The following KCNIP4 variants were observed in gnomAD, a reference collection of about 807,000 sequenced individuals.
KCNIP4 encodes the protein potassium voltage-gated channel interacting protein 4.
In KCNIP4, 12 loss-of-function variants were observed where a neutral mutation model predicts 34.0. That is an observed-to-expected ratio of 0.35 (90% CI 0.23 to 0.57). The LOEUF (loss-of-function observed/expected upper bound fraction) is 0.57, where lower values mean the gene tolerates loss of function less well. Ranked by LOEUF, KCNIP4 falls within the 20% of genes least tolerant of loss-of-function variation. The pLI is 0.83. For synonymous variants in KCNIP4, 124 were observed against 102.2 expected, an observed-to-expected ratio of 1.21 and a Z score of -1.29; for missense variants, 238 against 311.7, an observed-to-expected ratio of 0.76 and a Z score of 1.78.
intron 5 of KCNIP4, among the ~76,000 whole-genome samples, chr4:20,735,928 A>G (rs1034491348): frequency 2.0e-5 from 3 of 152,204 alleles, no homozygotes; most frequent in Admixed American, 2.0e-4. Context: ...AGCAGAGGGG[A>G]AATCCAAAAG....
At chr4:21,237,627 T>A (rs530486853) in intron 1 of KCNIP4, among the ~76,000 whole-genome samples, 1 of 152,262 alleles carries the variant, frequency 6.6e-6, no homozygotes, top group African/African-American at 2.4e-5. Context: ...CTAGAAAATC[T>A]AGAAGAAATG....
chr4:21,645,246 C>A (rs190912888), intron 1 of KCNIP4, among the ~76,000 whole-genome samples: 9 of 152,108 alleles, frequency 5.9e-5, no homozygotes, highest in African/African-American at 2.2e-4. Context: ...GTTATAGATG[C>A]GTAAAATGAT....
intron 1 of KCNIP4, among the ~76,000 whole-genome samples, chr4:21,609,298 T>C (rs1743970723): frequency 6.6e-6 from 1 of 152,220 alleles, no homozygotes; most frequent in African/African-American, 2.4e-5. Flanking sequence ...GGCATACTGA[T>C]ATTATGTATT....
chr4:21,237,882 G>T (rs1315156971), intron 1 of KCNIP4, among the ~76,000 whole-genome samples: 1 of 152,078 alleles, frequency 6.6e-6, no homozygotes, highest in Non-Finnish European at 1.5e-5. Flanking sequence ...CATTTTATGA[G>T]GCCAGTATCA....
intron 1 of KCNIP4, among the ~76,000 whole-genome samples, chr4:21,315,947 C>A (rs1317228625): frequency 6.6e-6 from 1 of 152,208 alleles, no homozygotes; most frequent in Non-Finnish European, 1.5e-5. Flanking sequence ...TATCCATCCT[C>A]ATTTCCTGAC....
At chr4:21,351,332 G>A (rs994492050) in intron 1 of KCNIP4, among the ~76,000 whole-genome samples, 1 of 152,056 alleles carries the variant, frequency 6.6e-6, no homozygotes, top group Admixed American at 6.6e-5. Flanking sequence ...ATTTTCCCAT[G>A]CTGTTCTATT....
chr4:20,961,995 C>T (rs956040008), intron 1 of KCNIP4, among the ~76,000 whole-genome samples: 9 of 152,156 alleles, frequency 5.9e-5, no homozygotes, highest in Non-Finnish European at 8.8e-5. Flanking sequence ...TCCATGACTA[C>T]GTATCTTTCC....
At chr4:20,817,682 T>A (rs1003840849) in intron 3 of KCNIP4, among the ~76,000 whole-genome samples, 1 of 152,038 alleles carries the variant, frequency 6.6e-6, no homozygotes, top group Non-Finnish European at 1.5e-5. Flanking sequence ...GATCTTTTTT[T>A]TTTTTCTTTC....
At chr4:20,893,417 CCT>C (rs1357979762) in intron 1 of KCNIP4, among the ~76,000 whole-genome samples, 1 of 151,804 alleles carries the variant, frequency 6.6e-6, no homozygotes, top group East Asian at 1.9e-4. Flanking sequence ...CATCACTGAG[CCT>C]CTGTTTTTTT....
At chr4:21,227,670 A>AAAAACAAAACAAAAC (rs57503395) in intron 1 of KCNIP4, among the ~76,000 whole-genome samples, 64 of 151,630 alleles carry the variant, frequency 4.2e-4, no homozygotes, top group African/African-American at 1.5e-3. Flanking sequence ...TCCGCAGTTA[A>AAAAACAAAACAAAAC]AAAACAAAAC....
At chr4:21,324,637 T>G (rs74899634) in intron 1 of KCNIP4, among the ~76,000 whole-genome samples, 1 of 152,004 alleles carries the variant, frequency 6.6e-6, no homozygotes. Flanking sequence ...TGCCTTACTG[T>G]TTTTATTACT....
chr4:21,469,182 A>G (rs1469489657), intron 1 of KCNIP4, among the ~76,000 whole-genome samples: 2 of 151,934 alleles, frequency 1.3e-5, no homozygotes, highest in Non-Finnish European at 1.5e-5. Flanking sequence ...CTCCCATCTC[A>G]GCCTCCCAAG....
intron 1 of KCNIP4, among the ~76,000 whole-genome samples, chr4:21,615,432 G>A (rs971819119): frequency 1.3e-5 from 2 of 151,276 alleles, no homozygotes; most frequent in Admixed American, 6.6e-5. Context: ...TGTAGGCCCA[G>A]CTACTCAGGA....
chr4:21,090,859 A>G (rs1560712076), intron 1 of KCNIP4, among the ~76,000 whole-genome samples: 1 of 152,234 alleles, frequency 6.6e-6, no homozygotes, highest in Non-Finnish European at 1.5e-5. Context: ...GACTAATGAG[A>G]AAATACTACT....
chr4:21,411,145 G>A (rs1427575059), intron 1 of KCNIP4, among the ~76,000 whole-genome samples: 4 of 152,180 alleles, frequency 2.6e-5, no homozygotes, highest in Non-Finnish European at 5.9e-5. Flanking sequence ...TGCTTAGGAA[G>A]AGAGGTTCGA....
intron 1 of KCNIP4, among the ~76,000 whole-genome samples, chr4:21,266,877 A>G (rs1761845655): frequency 6.6e-6 from 1 of 152,194 alleles, no homozygotes; most frequent in Non-Finnish European, 1.5e-5. Flanking sequence ...AGGACTGGAA[A>G]GCTACTAGAA....
At chr4:21,775,996 G>T (rs1027019153) in intron 1 of KCNIP4, among the ~76,000 whole-genome samples, 1 of 152,206 alleles carries the variant, frequency 6.6e-6, no homozygotes, top group African/African-American at 2.4e-5. Flanking sequence ...AGTTCAGTAG[G>T]CTTAAGCAGA....
chr4:21,269,493 C>A (rs779136339), intron 1 of KCNIP4, among the ~76,000 whole-genome samples: 1 of 152,070 alleles, frequency 6.6e-6, no homozygotes, highest in African/African-American at 2.4e-5. Flanking sequence ...GCAGCCTCAA[C>A]CTCCTGGGCT....
chr4:21,820,370 T>A (rs575671031), intron 1 of KCNIP4, among the ~76,000 whole-genome samples: 44 of 149,812 alleles, frequency 2.9e-4, no homozygotes, highest in African/African-American at 1.0e-3. Flanking sequence ...TGAAGTACTA[T>A]AAACTTGATT....
Sources: allele counts gnomAD v4.1 joint callset (sites outside exome capture counted in the v4.1 genomes callset), GRCh38; gene constraint gnomAD v4.1.1; transcripts MANE v1.5; gene names NCBI Gene and HGNC (gene_info 2026-07-23, HGNC 2026-07-21).